Variants in NALCN observed in about 807,000 individuals in gnomAD.
NALCN encodes sodium leak channel NALCN.
Under a neutral mutation model 225.3 loss-of-function variants are expected in NALCN, and 111 were observed. The ratio of observed to expected loss-of-function variants is 0.49; its 90% CI spans 0.42 to 0.58. The LOEUF is 0.58. Ranked by LOEUF, NALCN falls within the 20% of genes least tolerant of loss-of-function variation. The pLI is 0.00. For synonymous variants in NALCN, 764 were observed against 769.0 expected (o/e 0.99, Z 0.11); for missense variants, 1,378 against 2,202.4 (o/e 0.63, Z 7.49).
intron 27 of NALCN, among the ~76,000 whole-genome samples, chr13:101,096,523 A>T (rs1027406913): frequency 6.6e-6 from 1 of 152,216 alleles, no homozygotes; most frequent in African/African-American, 2.4e-5. Flanking sequence ...AGTGAACTCT[A>T]TAGAGACAAA....
At chr13:101,183,737 G>C (rs888932428) in intron 14 of NALCN, among the ~76,000 whole-genome samples, 2 of 152,076 alleles carry the variant, frequency 1.3e-5, no homozygotes, top group African/African-American at 2.4e-5. Context: ...TGGGATTATA[G>C]GGGGAGCCAC....
chr13:101,137,605 T>C (rs957314239), intron 17 of NALCN, among the ~76,000 whole-genome samples: 3 of 152,034 alleles, frequency 2.0e-5, no homozygotes, highest in Non-Finnish European at 4.4e-5. Flanking sequence ...GTGTAGACAA[T>C]AGGGATAGCA....
chr13:101,086,144 T>C (rs2033918118), intron 30 of NALCN, among the ~76,000 whole-genome samples: 1 of 152,138 alleles, frequency 6.6e-6, no homozygotes, highest in South Asian at 2.1e-4. Context: ...TATTCTTGAA[T>C]ATTATAGAAG....
At chr13:101,126,570 G>A (rs542803099) in intron 17 of NALCN, among the ~76,000 whole-genome samples, 6 of 150,412 alleles carry the variant, frequency 4.0e-5, no homozygotes, top group Non-Finnish European at 7.4e-5. Context: ...TCAGCTCACC[G>A]CAACTTCCAC....
intron 7 of NALCN, among the ~76,000 whole-genome samples, chr13:101,342,672 T>C (rs1372274814): frequency 1.3e-5 from 2 of 152,194 alleles, no homozygotes; most frequent in African/African-American, 4.8e-5. Context: ...ATGTGGTTTA[T>C]AGTTACAGCT....
In NALCN at chr13:101,398,840, AACTCATAGCG is replaced by A. The variant is rs533014706; in HGVS notation, c.108+169_108+178del. On this transcript the variant is annotated intron_variant, in intron 2 of 43. Transcript: ENST00000251127. ...ACCCAGTGCATCTTCCTATGTGAGT[AACTCATAGCG>A]ACATCTCACTATTTCATTGGATTGT... Among the ~76,000 whole-genome samples, 6 of 152,260 alleles carry A rather than the reference AACTCATAGCG, an allele frequency of 3.9e-5. No homozygotes were observed. The South Asian group carries it at 6.2e-4, about 16-fold the overall frequency.
At chr13:101,145,016 A>G in intron 15 of NALCN, 120 bp from the exon 16 acceptor site, 1 of 1,109,278 alleles carries the variant, frequency 9.0e-7, no homozygotes, top group East Asian at 2.7e-5. Context: ...AGTAGATGGC[A>G]GCAAAGGCCT....
chr13:101,120,322 G>A (rs1032754977), intron 18 of NALCN, among the ~76,000 whole-genome samples: 1 of 152,106 alleles, frequency 6.6e-6, no homozygotes, highest in African/African-American at 2.4e-5. Context: ...GGAAGGTAAA[G>A]CTGTTAAACA....
chr13:101,412,676 C>G (rs1404909833), intron 1 of NALCN, among the ~76,000 whole-genome samples: 1 of 152,188 alleles, frequency 6.6e-6, no homozygotes, highest in East Asian at 1.9e-4. Flanking sequence ...GTGAACTGAA[C>G]TTTAGCTTTT....
chr13:101,258,139 T>C lies in NALCN; in HGVS notation c.1266+304A>G, dbSNP rs549484692. Among the ~76,000 whole-genome samples, 8 of 152,174 alleles carry C rather than the reference T, an allele frequency of 5.3e-5. No individual in the cohort carries two copies. In the East Asian group the frequency reaches 1.2e-3, roughly 22 times the overall value. ...TAGTAGGAAACAAACTAATGTACGC[T>C]GAGAAAGGGAGAGATAATAAGAGGT... On this transcript the variant is annotated intron_variant, in intron 11 of 43. Transcript: ENST00000251127.
Position 101,235,712 on chromosome 13 carries a change from G to C in NALCN, c.1434+2043C>G, listed in dbSNP as rs1366996781. On this transcript the variant is annotated intron_variant, in intron 12 of 43. Transcript: ENST00000251127. ...CGGATGCTGAGGGAAGTGAGCGCTT[G>C]AACTATGAAAACCCTCTGTGGTTTC... is the stretch of plus-strand genomic sequence containing the variant. 2.6e-5 allele frequency among the ~76,000 whole-genome samples: 4 copies of C among 152,182 alleles called. No homozygotes were observed. The East Asian group carries it at 5.8e-4, about 22-fold the overall frequency.
chr13:101,222,215 T>C (rs1033783284), intron 13 of NALCN, among the ~76,000 whole-genome samples: 7 of 152,094 alleles, frequency 4.6e-5, no homozygotes, highest in African/African-American at 1.7e-4. Flanking sequence ...CCTCTCTAAT[T>C]ATCTCTGAGA....
At position 101,278,352 on chromosome 13, in the gene NALCN, G is replaced by C. The variant is rs548406302; in HGVS notation, c.1134+5581C>G. On this transcript the variant is annotated intron_variant, in intron 10 of 43. Transcript: ENST00000251127. Reference sequence around the variant, plus strand: ...AGCCTGACCAACATGGTGAAACCCGGTTTCTACTAAAAATACAAAAATCAG... The same window carrying C: ...AGCCTGACCAACATGGTGAAACCCGCTTTCTACTAAAAATACAAAAATCAG... 3.2e-4 allele frequency among the ~76,000 whole-genome samples: 49 copies of C among 151,892 alleles called. 1 individual carries two copies. In the East Asian group the frequency reaches 9.0e-3, roughly 28 times the overall value.
Position 101,124,609 on chromosome 13 carries a change from T to C in NALCN, c.2191A>G (p.Arg731Gly). ...EKETAVTKIL[R>G]ACTRQRMLSG... The stretch of plus-strand genomic sequence containing the variant: ...TGTGTCAACATTAATTGGTGTTACC[T>C]TAAGATTTTAGTGACTGCGGTCTCC... The change falls in exon 18 of 44, where the codon AGA (arginine) becomes GGA (glycine). Residue 731 changes from arginine (R) to glycine (G), a missense_variant and splice_region_variant. Coordinates refer to ENST00000251127, the MANE Select transcript of NALCN (RefSeq NM_052867.4). The C allele has an allele frequency of 6.2e-7, 1 of 1,613,458 alleles. No homozygotes were observed. Among genetic ancestry groups the C allele is most frequent in the Non-Finnish European group, 8.5e-7 (1 of 1,179,584 alleles).
chr13:101,097,646 T>C (rs1405385617), intron 27 of NALCN, among the ~76,000 whole-genome samples: 2 of 152,176 alleles, frequency 1.3e-5, no homozygotes, highest in Non-Finnish European at 2.9e-5. Context: ...CTCATTAGGA[T>C]ATGGGTAACA....
At chr13:101,348,348 C>G (rs9554773) in intron 6 of NALCN, among the ~76,000 whole-genome samples, 51,997 of 151,862 alleles carry the variant, frequency 0.34, 8,989 homozygotes, top group Admixed American at 0.42. Flanking sequence ...GTATTTACAT[C>G]TGTAAATTGT....
chr13:101,149,467 C>T (rs1202967371), intron 15 of NALCN, among the ~76,000 whole-genome samples: 2 of 152,140 alleles, frequency 1.3e-5, no homozygotes, highest in Non-Finnish European at 2.9e-5. Context: ...ATTTACACTC[C>T]CCAAAGCTTG....
At chr13:101,224,793 A>C (rs2041074241) in intron 13 of NALCN, among the ~76,000 whole-genome samples, 1 of 152,094 alleles carries the variant, frequency 6.6e-6, no homozygotes, top group South Asian at 2.1e-4. Flanking sequence ...AGACCCTCCC[A>C]TTGAAGGGCC....
Position 101,299,034 on chromosome 13 carries a change from A to T in NALCN, c.800-6668T>A, listed in dbSNP as rs191857147. On this transcript the variant is annotated intron_variant, in intron 7 of 43. Coordinates refer to ENST00000251127, the MANE Select transcript of NALCN (RefSeq NM_052867.4). ...ATACAAGACTTAAAAATGACATTTC[A>T]TTCTTCTTTAAAGATTTTTGAAGGC... Among the ~76,000 whole-genome samples the T allele has an allele frequency of 1.1e-4, 17 of 152,364 alleles. No individual in the cohort carries two copies. The East Asian group carries it at 3.3e-3, about 29-fold the overall frequency.
Sources: allele counts gnomAD v4.1 joint callset (sites outside exome capture counted in the v4.1 genomes callset), GRCh38; gene constraint gnomAD v4.1.1; transcripts MANE v1.5; gene names NCBI Gene and HGNC (gene_info 2026-07-23, HGNC 2026-07-21).